CCBE1: variants seen among roughly 807,000 people sequenced by gnomAD.
CCBE1 encodes the protein collagen and calcium-binding EGF domain-containing protein 1.
Under a neutral mutation model 50.0 loss-of-function variants are expected in CCBE1, and 37 were observed. The ratio of observed to expected loss-of-function variants is 0.74; its 90% CI spans 0.57 to 0.97. CCBE1 has a LOEUF of 0.97. Among genes scored for constraint, CCBE1 ranks in the 50% least tolerant of loss-of-function variants. CCBE1 has a pLI of 0.00. For missense variants in CCBE1, 538 were observed against 523.8 expected, an observed-to-expected ratio of 1.03 and a Z score of -0.26; for synonymous variants, 234 against 203.7, an observed-to-expected ratio of 1.15 and a Z score of -1.27.
chr18:59,570,486 G>T (rs2052894274), intron 2 of CCBE1, among the ~76,000 whole-genome samples: 1 of 152,226 alleles, frequency 6.6e-6, no homozygotes, highest in Non-Finnish European at 1.5e-5. Context: ...TCTGCTGGCT[G>T]TAACACTTCT....
At chr18:59,503,252 C>T (rs1465707576) in intron 2 of CCBE1, among the ~76,000 whole-genome samples, 1 of 152,218 alleles carries the variant, frequency 6.6e-6, no homozygotes, top group Non-Finnish European at 1.5e-5. Flanking sequence ...GGGGACAGTT[C>T]CGCTGGACAT....
intron 2 of CCBE1, among the ~76,000 whole-genome samples, chr18:59,551,179 C>CAT (rs1289898606): frequency 3.3e-5 from 5 of 152,176 alleles, no homozygotes; most frequent in Admixed American, 3.3e-4. Context: ...GCCTGCTATA[C>CAT]ATGTAGGCTG....
At chr18:59,695,057 A>G (rs550021944) in intron 2 of CCBE1, among the ~76,000 whole-genome samples, 2 of 152,356 alleles carry the variant, frequency 1.3e-5, no homozygotes, top group East Asian at 3.9e-4. Flanking sequence ...GATGACAGTA[A>G]TGGCATTAAC....
At chr18:59,523,837 A>G (rs534005593) in intron 2 of CCBE1, among the ~76,000 whole-genome samples, 1 of 152,254 alleles carries the variant, frequency 6.6e-6, no homozygotes, top group Admixed American at 6.5e-5. Context: ...GCACAATGTC[A>G]CATGTTTGTG....
intron 2 of CCBE1, among the ~76,000 whole-genome samples, chr18:59,585,794 C>T (rs1030297568): frequency 9.2e-5 from 14 of 152,222 alleles, no homozygotes; most frequent in African/African-American, 3.1e-4. Context: ...AATCCACACA[C>T]ATAGGCATTA....
At chr18:59,682,236 C>T (rs1465272176) in intron 2 of CCBE1, among the ~76,000 whole-genome samples, 3 of 152,132 alleles carry the variant, frequency 2.0e-5, no homozygotes, top group African/African-American at 7.2e-5. Flanking sequence ...GTGGCATGCA[C>T]CTGTAGTCCC....
At chr18:59,589,976 C>G (rs2053238944) in intron 2 of CCBE1, among the ~76,000 whole-genome samples, 1 of 152,044 alleles carries the variant, frequency 6.6e-6, no homozygotes, top group Non-Finnish European at 1.5e-5. Context: ...GACAATTCAG[C>G]ACCCATTCTT....
chr18:59,566,699 C>A (rs1347252213), intron 2 of CCBE1, among the ~76,000 whole-genome samples: 1 of 152,128 alleles, frequency 6.6e-6, no homozygotes, highest in Non-Finnish European at 1.5e-5. Flanking sequence ...GTCCCTAAAT[C>A]CTCCTATTAA....
At chr18:59,640,544 TA>T (rs2053973193) in intron 2 of CCBE1, among the ~76,000 whole-genome samples, 1 of 152,014 alleles carries the variant, frequency 6.6e-6, no homozygotes, top group Non-Finnish European at 1.5e-5. Context: ...GATAATCTAA[TA>T]AATACCATTC....
In CCBE1 at chr18:59,435,726, G is replaced by T. The variant is rs1023099526; in HGVS notation, c.*182C>A. On this transcript the variant is annotated 3_prime_UTR_variant, in exon 11 of 11. Transcript: ENST00000439986. ...ATCATTCACTCCCTCATGTCTGCAGGCCTAGGAGGGGACTCTGAAAATAGC... is the reference window on the plus strand; with the variant it reads ...ATCATTCACTCCCTCATGTCTGCAGTCCTAGGAGGGGACTCTGAAAATAGC... 4.2e-5 allele frequency: 29 copies of T among 685,072 alleles called. No individual in the cohort carries two copies. The highest frequency in any genetic ancestry group is 6.5e-5 in the Non-Finnish European group (25 of 382,366). 42.4% of individuals were successfully genotyped at this position (685,072 alleles called of 1,614,324 possible). A position where few individuals can be genotyped will look rare whatever the true frequency, so the allele number is the denominator to read the frequency against.
intron 2 of CCBE1, among the ~76,000 whole-genome samples, chr18:59,543,913 G>A (rs545121395): frequency 6.6e-6 from 1 of 151,530 alleles, no homozygotes; most frequent in South Asian, 2.1e-4. Context: ...TCGCAGTTCT[G>A]GGATTCTGTT....
intron 2 of CCBE1, among the ~76,000 whole-genome samples, chr18:59,500,321 T>A (rs989025823): frequency 3.3e-5 from 5 of 152,216 alleles, no homozygotes; most frequent in Non-Finnish European, 5.9e-5. Context: ...ATCCTTTCTC[T>A]ATTTGCACTG....
At chr18:59,532,790 G>T (rs192732861) in intron 2 of CCBE1, among the ~76,000 whole-genome samples, 1 of 152,184 alleles carries the variant, frequency 6.6e-6, no homozygotes, top group African/African-American at 2.4e-5. Flanking sequence ...AAAATACGGA[G>T]ATTTCAAATT....
chr18:59,645,024 G>A (rs2054038086), intron 2 of CCBE1, among the ~76,000 whole-genome samples: 1 of 152,216 alleles, frequency 6.6e-6, no homozygotes, highest in African/African-American at 2.4e-5. Flanking sequence ...GGGAGGCCGA[G>A]GTGGGCGGAT....
chr18:59,463,758 G>A (rs1471086642), intron 5 of CCBE1, among the ~76,000 whole-genome samples: 6 of 152,294 alleles, frequency 3.9e-5, no homozygotes, highest in Middle Eastern at 3.4e-3. Flanking sequence ...TGGGGTTCCC[G>A]GTGATTATGC....
At chr18:59,610,280 T>C (rs1173829839) in intron 2 of CCBE1, among the ~76,000 whole-genome samples, 3 of 152,220 alleles carry the variant, frequency 2.0e-5, no homozygotes, top group African/African-American at 7.2e-5. Flanking sequence ...GGGTTTTGGA[T>C]ACAAAGTCAT....
chr18:59,632,913 A>C (rs2053868272), intron 2 of CCBE1, among the ~76,000 whole-genome samples: 1 of 152,132 alleles, frequency 6.6e-6, no homozygotes, highest in South Asian at 2.1e-4. Context: ...CTGGCGAGGA[A>C]CAATCTTCTA....
rs146761955 is a variant in CCBE1 at position 59,519,149 on chromosome 18, C to T, written c.213-38911G>A. The stretch of plus-strand genomic sequence containing the variant: ...CTACCGAGTACACCCATATTATAAG[C>T]CAGCTCTGAGAGCAGGCCAGTGGCA... On this transcript the variant is annotated intron_variant, in intron 2 of 10. Coordinates refer to ENST00000439986, the MANE Select transcript of CCBE1 (RefSeq NM_133459.4). Among the ~76,000 whole-genome samples the T allele has an allele frequency of 3.6e-3, 541 of 152,258 alleles. 2 individuals are homozygous for T. Among genetic ancestry groups the T allele is most frequent in the Non-Finnish European group, 5.7e-3 (387 of 68,024 alleles).
intron 7 of CCBE1, among the ~76,000 whole-genome samples, chr18:59,444,539 G>T (rs1253772671): frequency 7.8e-6 from 1 of 127,970 alleles, no homozygotes; most frequent in African/African-American, 3.0e-5. Flanking sequence ...TTTTTTGAGA[G>T]GGGGTCTTGC....
Sources: allele counts gnomAD v4.1 joint callset (sites outside exome capture counted in the v4.1 genomes callset), GRCh38; gene constraint gnomAD v4.1.1; transcripts MANE v1.5; gene names NCBI Gene and HGNC (gene_info 2026-07-23, HGNC 2026-07-21).